FHIT: variants seen among roughly 807,000 people sequenced by gnomAD.
FHIT encodes fragile histidine triad diadenosine triphosphatase.
A neutral mutation model predicts 17.9 loss-of-function variants in FHIT; 19 were observed. That is an observed-to-expected ratio of 1.06 (90% CI 0.74 to 1.56). The LOEUF (loss-of-function observed/expected upper bound fraction) is 1.56. Among genes scored for constraint, FHIT ranks in the 40% most tolerant of loss-of-function variants. FHIT has a pLI of 0.00. For missense variants in FHIT, 248 were observed against 189.2 expected (o/e 1.31, Z -1.82); for synonymous variants, 81 against 69.7 (o/e 1.16, Z -0.81).
At chr3:60,120,913 C>T (rs944166537) in intron 5 of FHIT, among the ~76,000 whole-genome samples, 4 of 152,000 alleles carry the variant, frequency 2.6e-5, no homozygotes, top group African/African-American at 9.7e-5. Context: ...CTTCACATAG[C>T]AGTTCCCAAA....
chr3:60,153,888 A>T (rs114558091), intron 5 of FHIT, among the ~76,000 whole-genome samples: 3,901 of 152,306 alleles, frequency 0.026, 165 homozygotes, highest in African/African-American at 0.083. Context: ...GGTGCTGGGC[A>T]TACAATGAAG....
intron 4 of FHIT, among the ~76,000 whole-genome samples, chr3:60,537,680 G>T (rs1162135725): frequency 6.6e-6 from 1 of 152,108 alleles, no homozygotes; most frequent in Non-Finnish European, 1.5e-5. Flanking sequence ...GGCAGGAAAG[G>T]GAGGCTGAAG....
rs1273876558 is a variant in FHIT at position 60,125,634 on chromosome 3, G to GTA, written c.104-111484_104-111483dup. 2.5e-3 allele frequency among the ~76,000 whole-genome samples: 366 copies of GTA among 148,540 alleles called. 2 individuals carry two copies. The highest frequency in any genetic ancestry group is 8.3e-3 in the South Asian group (38 of 4,600). On this transcript the variant is annotated intron_variant, in intron 5 of 9. Coordinates refer to ENST00000492590, the MANE Select transcript of FHIT (RefSeq NM_002012.4). ...CACTGTCTCAAAAAAAAAAAAAAGTGTATATATACATATGTGTGTATGTGT... is the reference window on the plus strand; with the variant it reads ...CACTGTCTCAAAAAAAAAAAAAAGTGTATATATATACATATGTGTGTATGTGT...
intron 7 of FHIT, among the ~76,000 whole-genome samples, chr3:60,011,109 C>A (rs17061766): frequency 0.058 from 8,801 of 152,200 alleles, 604 homozygotes; most frequent in African/African-American, 0.17. Context: ...CTTATGTTTC[C>A]GGACTCCTTG....
intron 3 of FHIT, among the ~76,000 whole-genome samples, chr3:60,860,239 T>C (rs1315086545): frequency 4.5e-5 from 4 of 89,658 alleles, no homozygotes; most frequent in South Asian, 3.1e-4. Flanking sequence ...TATGTATATA[T>C]GGTATACATG....
chr3:60,618,603 T>G (rs1269529432), intron 4 of FHIT, among the ~76,000 whole-genome samples: 2 of 152,210 alleles, frequency 1.3e-5, no homozygotes, highest in Non-Finnish European at 2.9e-5. Flanking sequence ...AGTTCTACTG[T>G]GGCAGGCAGA....
intron 8 of FHIT, among the ~76,000 whole-genome samples, chr3:59,757,986 T>C (rs941389911): frequency 6.6e-6 from 1 of 152,166 alleles, no homozygotes; most frequent in African/African-American, 2.4e-5. Context: ...CCTCCTCAGG[T>C]TCACCATGCA....
chr3:60,397,869 C>T (rs1701511490), intron 5 of FHIT, among the ~76,000 whole-genome samples: 1 of 152,136 alleles, frequency 6.6e-6, no homozygotes, highest in African/African-American at 2.4e-5. Flanking sequence ...TCTACACTGC[C>T]ACGCCCACCT....
chr3:60,699,586 A>C, intron 4 of FHIT, among the ~76,000 whole-genome samples: 1 of 148,044 alleles, frequency 6.8e-6, no homozygotes, highest in African/African-American at 2.6e-5. Context: ...TCTATAAGAT[A>C]AAAGCATTAT....
chr3:60,744,268 C>CAAAA (rs374691493), intron 4 of FHIT, among the ~76,000 whole-genome samples: 29 of 80,032 alleles, frequency 3.6e-4, no homozygotes, highest in South Asian at 1.2e-3. Flanking sequence ...CAAAACAAAA[C>CAAAA]AAAAAAAAAA....
chr3:60,299,180 C>T (rs562995650), intron 5 of FHIT, among the ~76,000 whole-genome samples: 2 of 152,060 alleles, frequency 1.3e-5, no homozygotes, highest in African/African-American at 4.8e-5. Context: ...CACATTTAAT[C>T]GTATTCTTTG....
intron 4 of FHIT, chr3:60,730,209 T>C: frequency 2.9e-6 from 1 of 346,620 alleles, no homozygotes. Flanking sequence ...TTTTCGTGTA[T>C]TCCTCTTTGT....
chr3:61,014,676 A>G (rs567723374), intron 3 of FHIT, among the ~76,000 whole-genome samples: 135 of 148,262 alleles, frequency 9.1e-4, no homozygotes, highest in African/African-American at 3.0e-3. Flanking sequence ...GCTACTTGGG[A>G]GGCTGAGGCA....
chr3:60,209,443 C>A (rs1332758945), intron 5 of FHIT, among the ~76,000 whole-genome samples: 1 of 152,164 alleles, frequency 6.6e-6, no homozygotes, highest in African/African-American at 2.4e-5. Context: ...CTATGTGATA[C>A]TCCTCTCAAT....
chr3:60,935,362 CAT>C (rs782167717), intron 3 of FHIT, among the ~76,000 whole-genome samples: 10 of 152,204 alleles, frequency 6.6e-5, no homozygotes, highest in Non-Finnish European at 1.2e-4. Context: ...TCGAGGTACA[CAT>C]GTTTAAAAGG....
intron 4 of FHIT, among the ~76,000 whole-genome samples, chr3:60,713,467 C>CA (rs1295684533): frequency 6.7e-6 from 1 of 149,280 alleles, no homozygotes; most frequent in Non-Finnish European, 1.5e-5. Context: ...AAAAACCCTT[C>CA]AAAAAATTAA....
At chr3:59,875,543 A>G (rs1000254350) in intron 8 of FHIT, among the ~76,000 whole-genome samples, 3 of 152,216 alleles carry the variant, frequency 2.0e-5, no homozygotes, top group African/African-American at 4.8e-5. Context: ...GTGAGGGGGA[A>G]GTTTTAGAGT....
chr3:61,055,734 G>T (rs764910736), intron 2 of FHIT, among the ~76,000 whole-genome samples: 6 of 152,182 alleles, frequency 3.9e-5, no homozygotes, highest in Non-Finnish European at 8.8e-5. Flanking sequence ...ATATCATGAG[G>T]TGGAATCCAT....
intron 3 of FHIT, among the ~76,000 whole-genome samples, chr3:60,998,885 G>A (rs1219824321): frequency 6.6e-6 from 1 of 150,908 alleles, no homozygotes; most frequent in African/African-American, 2.4e-5. Flanking sequence ...AATTCAGGTA[G>A]CGAAGTCTAA....
Sources: gnomAD v4.1 joint callset for allele counts (sites outside exome capture counted in the v4.1 genomes callset) on GRCh38, gnomAD v4.1.1 for gene constraint, MANE v1.5 for transcripts, NCBI Gene and HGNC (gene_info 2026-07-23, HGNC 2026-07-21) for gene names.